Variants in TRPM4 observed in about 807,000 individuals in gnomAD.
TRPM4 encodes the protein transient receptor potential cation channel subfamily M member 4.
Under a neutral mutation model 135.6 loss-of-function variants are expected in TRPM4, and 124 were observed. The ratio of observed to expected loss-of-function variants is 0.91; its 90% confidence interval spans 0.79 to 1.06. TRPM4 has a LOEUF of 1.06. Among genes scored for constraint, TRPM4 ranks in the 50% least tolerant of loss-of-function variants. The probability of loss-of-function intolerance (pLI) is 0.00; values close to 1 mark genes in which losing one functional copy is unlikely to be tolerated. For synonymous variants in TRPM4, 745 were observed against 705.6 expected, an observed-to-expected ratio of 1.06 and a Z score of -0.88; for missense variants, 1,658 against 1,671.4, an observed-to-expected ratio of 0.99 and a Z score of 0.14.
chr19:49,166,464 G>T (rs1967184836), intron 3 of TRPM4, among the ~76,000 whole-genome samples: 1 of 141,644 alleles, frequency 7.1e-6, no homozygotes, highest in Admixed American at 7.0e-5. Flanking sequence ...CTCTCTCTGG[G>T]TCTCTGTCCC....
chr19:49,211,087 G>GGTGA lies in TRPM4; in HGVS notation c.3534+2_3534+5dup. 1 of 1,614,042 alleles carries GGTGA rather than the reference G, an allele frequency of 6.2e-7. No individual in the cohort carries two copies. Among genetic ancestry groups the GGTGA allele is most frequent in the South Asian group, 1.1e-5 (1 of 91,072 alleles). ...AGCGCCTGAAAGTGCTGGAGCGGGA[G>GGTGA]GTGAGGCCTTGGGGCCTGGCTGGGG... On this transcript the variant is annotated frameshift_variant and splice_region_variant. Coordinates refer to ENST00000252826, the MANE Select transcript of TRPM4 (RefSeq NM_017636.4). LOFTEE classifies it high-confidence loss of function. This position sits in a 1 kb window ranked among gnomAD's most constrained non-coding sequence, Gnocchi z 4.8.
At chr19:49,180,444 G>A (rs1254063354) in intron 9 of TRPM4, among the ~76,000 whole-genome samples, 1 of 144,428 alleles carries the variant, frequency 6.9e-6, no homozygotes. Flanking sequence ...GTGTGTGTGT[G>A]TGTGTGTGTG....
chr19:49,182,463 TCCATCCATCCATCCA>T, intron 10 of TRPM4, 100 bp from the exon 11 acceptor site: 1 of 388,182 alleles, frequency 2.6e-6, no homozygotes, highest in East Asian at 3.9e-5. Context: ...CATCCATCCA[TCCATCCATCCATCCA>T]TCCATCCATC....
At chr19:49,197,714 G>A (rs12151119) in intron 17 of TRPM4, among the ~76,000 whole-genome samples, 41,008 of 149,364 alleles carry the variant, frequency 0.27, 5,925 homozygotes, top group South Asian at 0.37. Context: ...CCAGAGTTCC[G>A]CTGTGTCGCC....
intron 1 of TRPM4, 120 bp from the exon 2 acceptor site, chr19:49,158,072 T>C (rs1321123041): frequency 7.7e-7 from 1 of 1,299,208 alleles, no homozygotes; most frequent in African/African-American, 1.5e-5. Context: ...GGGAGGGCGC[T>C]GGGGGCCCGG....
rs544807596 is a variant in TRPM4 at position 49,196,675 on chromosome 19, C to T, written c.2446C>T (p.Leu816=). The T allele has an allele frequency of 3.6e-5, 55 of 1,549,284 alleles. 1 individual carries two copies. In the South Asian group the frequency reaches 6.4e-4, roughly 18 times the overall value. The change falls in exon 17 of 25, where the codon CTG becomes TTG. Residue 816 remains leucine (L), a synonymous_variant. Coordinates refer to ENST00000252826, the MANE Select transcript of TRPM4 (RefSeq NM_017636.4). ...QPAPPGSLEL[L]LYFWAFTLLC... ...GGCGCCGCCCGGCTCCCTGGAGCTG[C>T]TGCTCTATTTCTGGGCTTTCACGCT...
chr19:49,196,472 G>A lies in TRPM4; in HGVS notation c.2243G>A (p.Gly748Glu), dbSNP rs1390543792. 6.4e-7 allele frequency: 1 copy of A among 1,552,544 alleles called. No homozygotes were observed. The highest frequency in any genetic ancestry group is 8.7e-7 in the Non-Finnish European group (1 of 1,152,658). Residue 748 changes from glycine to glutamate, a missense_variant, in exon 17 of 25, where the codon GGG (glycine) becomes GAG (glutamate). Gly to Glu is a moderately conservative substitution (Grantham distance 98, BLOSUM62 -2). This residue lies in a region of TRPM4 where 1,412 missense variants were observed against 1,408.7 expected (regional missense o/e 1.00). Coordinates refer to ENST00000252826, the MANE Select transcript of TRPM4 (RefSeq NM_017636.4). ...GACCCAGCCGAGAAGACGCCGCTGG[G>A]GGTCCCGCGCCAGTCGGGCCGTCCG... ...TADPAEKTPL[G>E]VPRQSGRPGC... is the part of the protein sequence containing the mutation.
chr19:49,207,636 C>CAAAAAA (rs34758808), intron 20 of TRPM4, among the ~76,000 whole-genome samples: 1 of 38,990 alleles, frequency 2.6e-5, no homozygotes, highest in African/African-American at 8.9e-5. Flanking sequence ...AACCTTGTCT[C>CAAAAAA]AAAAAAAAAA....
chr19:49,191,835 A>G (rs1808470013), intron 16 of TRPM4, among the ~76,000 whole-genome samples: 1 of 152,142 alleles, frequency 6.6e-6, no homozygotes, highest in South Asian at 2.1e-4. Flanking sequence ...GGAAGGGACA[A>G]ACATCCAAAC....
In TRPM4 at chr19:49,210,052, A is replaced by G. The variant is rs1409125363; in HGVS notation, c.3132-157A>G. The stretch of plus-strand genomic sequence containing the variant: ...GCGTGACCAAACGCCCTTGGCTCTA[A>G]CCTGACTTCTAATCGCATCCTGTAA... On this transcript the variant is annotated intron_variant, in intron 20 of 24. Coordinates refer to ENST00000252826, the MANE Select transcript of TRPM4 (RefSeq NM_017636.4). The surrounding 1 kb of genome is among the most constrained non-coding windows in gnomAD (Gnocchi z 4.1). Among the ~76,000 whole-genome samples, 1 of 152,114 alleles carries G rather than the reference A, an allele frequency of 6.6e-6. No individual in the cohort carries two copies. The highest frequency in any genetic ancestry group is 1.5e-5 in the Non-Finnish European group (1 of 68,024).
chr19:49,182,145 C>CCT, intron 10 of TRPM4, among the ~76,000 whole-genome samples: 1 of 144,068 alleles, frequency 6.9e-6, no homozygotes, highest in Non-Finnish European at 1.5e-5. Flanking sequence ...TTCATCCATC[C>CCT]ATCCATTCAT....
In TRPM4 at chr19:49,210,503, G is replaced by C. The variant is rs1969314777; in HGVS notation, c.3328+98G>C. 2 of 1,496,350 alleles carry C rather than the reference G, an allele frequency of 1.3e-6. No individual in the cohort carries two copies. Among genetic ancestry groups the C allele is most frequent in the Admixed American group, 1.8e-5 (1 of 54,138 alleles). 92.7% of individuals were successfully genotyped at this position (1,496,350 alleles called of 1,614,324 possible). ...ATGCCCCAAATGACTAACGGGCGTG[G>C]CTTAGGTAGCGAGGGGCGGGGTTTA... On this transcript the variant is annotated intron_variant, in intron 21 of 24. Coordinates refer to ENST00000252826, the MANE Select transcript of TRPM4 (RefSeq NM_017636.4). This position sits in a 1 kb window ranked among gnomAD's most constrained non-coding sequence, Gnocchi z 4.1.
intron 2 of TRPM4, among the ~76,000 whole-genome samples, chr19:49,161,321 C>CCTT (rs1568453064): frequency 9.2e-6 from 1 of 108,966 alleles, no homozygotes. Context: ...CTGTCTCTCT[C>CCTT]TCTTTTTTTT....
At chr19:49,160,535 T>C (rs1966923416) in intron 2 of TRPM4, among the ~76,000 whole-genome samples, 1 of 149,908 alleles carries the variant, frequency 6.7e-6, no homozygotes, top group Non-Finnish European at 1.5e-5. Context: ...TTGAACAGCA[T>C]GTGCAAAGTC....
At chr19:49,190,970 G>A (rs970614773) in intron 16 of TRPM4, among the ~76,000 whole-genome samples, 197 bp downstream of exon 16, 19 of 152,188 alleles carry the variant, frequency 1.2e-4, no homozygotes, top group Admixed American at 8.5e-4. Flanking sequence ...GCTGGCATCT[G>A]CGGCTGGTGA....
intron 3 of TRPM4, 135 bp downstream of exon 3, chr19:49,166,350 G>A (rs1192695944): frequency 2.1e-5 from 18 of 874,374 alleles, no homozygotes; most frequent in Non-Finnish European, 2.9e-5. Flanking sequence ...TGTCCCCTCC[G>A]CCCCACCTAT....
At position 49,182,254 on chromosome 19, in the gene TRPM4, G is replaced by A. The variant is rs573799104; in HGVS notation, c.1264-324G>A. Reference sequence around the variant, plus strand: ...CATCCATCTATCCATCCATCCATCTGTCCATCCATTCATCTGTCCATCCAT... The same window carrying A: ...CATCCATCTATCCATCCATCCATCTATCCATCCATTCATCTGTCCATCCAT... On this transcript the variant is annotated intron_variant, in intron 10 of 24. Coordinates refer to ENST00000252826, the MANE Select transcript of TRPM4 (RefSeq NM_017636.4). Among the ~76,000 whole-genome samples, 6,007 of 58,046 alleles carry A rather than the reference G, an allele frequency of 0.1. 463 individuals are homozygous for A. Among genetic ancestry groups the A allele is most frequent in the African/African-American group, 0.25 (4,083 of 16,644 alleles). The allele number at this position is 58,046 out of a possible 152,430, so 38.1% of individuals were successfully genotyped here.
chr19:49,179,649 C>CTCTGTAGTCTGTCTTTTTTTTT, intron 9 of TRPM4, among the ~76,000 whole-genome samples: 1 of 152,234 alleles, frequency 6.6e-6, no homozygotes, highest in Non-Finnish European at 1.5e-5. Flanking sequence ...GGCGCCCGGC[C>CTCTGTAGTCTGTCTTTTTTTTT]TGTAAAGCAA....
intron 2 of TRPM4, chr19:49,158,660 T>A (rs1395592470): frequency 4.8e-6 from 1 of 210,524 alleles, no homozygotes; most frequent in Non-Finnish European, 9.6e-6. Flanking sequence ...GCTCCCAAGG[T>A]CCCTTTAGCC....
Sources: gnomAD v4.1 joint callset for allele counts (sites outside exome capture counted in the v4.1 genomes callset) on GRCh38, gnomAD v4.1.1 for gene constraint, gnomAD v4.1.1 regional missense constraint, Gnocchi (gnomAD v3.1) non-coding constraint, MANE v1.5 for transcripts, NCBI Gene and HGNC (gene_info 2026-07-23, HGNC 2026-07-21) for gene names.